Variants in MOV10L1 observed in about 807,000 individuals in gnomAD.
MOV10L1 encodes RNA helicase Mov10l1.
MOV10L1 carries 110 observed loss-of-function variants against 143.8 expected under a neutral mutation model. That is an observed-to-expected ratio of 0.76 (90% CI 0.66 to 0.90). The LOEUF (loss-of-function observed/expected upper bound fraction) is 0.90. Among genes scored for constraint, MOV10L1 ranks in the 40% least tolerant of loss-of-function variants. The pLI is 0.00. For missense variants in MOV10L1, 1,406 were observed against 1,526.8 expected (o/e 0.92, Z 1.32); for synonymous variants, 593 against 581.1 (o/e 1.02, Z -0.29).
At chr22:50,097,363 G>A (rs911324960) in intron 2 of MOV10L1, among the ~76,000 whole-genome samples, 17 of 152,050 alleles carry the variant, frequency 1.1e-4, no homozygotes, top group African/African-American at 3.6e-4. Context: ...CCCATCCCAC[G>A]CCTTTCCAAA....
In MOV10L1 at chr22:50,134,522, T is replaced by G; in HGVS notation, c.1970-8T>G. 1.2e-6 allele frequency: 2 copies of G among 1,613,628 alleles called. No individual in the cohort carries two copies. Among genetic ancestry groups the G allele is most frequent in the Middle Eastern group, 1.7e-4 (1 of 6,060 alleles). Reference sequence around the variant, plus strand: ...TACCCGTGCTCTTACCATTTTTTGTTTTAAAAGTGTTGTTTCCAGAAGAAA... The same window carrying G: ...TACCCGTGCTCTTACCATTTTTTGTGTTAAAAGTGTTGTTTCCAGAAGAAA... On this transcript the variant is annotated splice_polypyrimidine_tract_variant and splice_region_variant and intron_variant, in intron 14 of 26. Transcript: ENST00000262794.
intron 2 of MOV10L1, among the ~76,000 whole-genome samples, chr22:50,097,929 G>C (rs924665353): frequency 1.3e-5 from 2 of 152,086 alleles, no homozygotes; most frequent in African/African-American, 4.8e-5. Flanking sequence ...CGCCTCCCTG[G>C]TTCAAGCAAT....
At chr22:50,101,405 C>T (rs531753289) in intron 3 of MOV10L1, among the ~76,000 whole-genome samples, 13 of 151,206 alleles carry the variant, frequency 8.6e-5, no homozygotes, top group African/African-American at 9.7e-5. Context: ...TTAGTAGAGA[C>T]GGGGTTTCAA....
In MOV10L1 at chr22:50,108,710, C is replaced by G; in HGVS notation, c.609C>G (p.Phe203Leu). 6.2e-7 allele frequency: 1 copy of G among 1,614,212 alleles called. No individual in the cohort carries two copies. Among genetic ancestry groups the G allele is most frequent in the Non-Finnish European group, 8.5e-7 (1 of 1,180,036 alleles). Reference protein sequence around the residue: ...GRNGVLEESIFFTLDSLKLPD... With the variant: ...GRNGVLEESILFTLDSLKLPD... ...ACGGGGTGTTAGAGGAAAGCATCTT[C>G]TTTACCTTGGACTCCTTGAAACTGC... is the stretch of plus-strand genomic sequence containing the variant. Residue 203 changes from phenylalanine to leucine, a missense_variant, in exon 5 of 27, where the codon TTC becomes TTG. By Grantham distance (22) the Phe-to-Leu change is conservative. This residue lies in a region of MOV10L1 where 1,233 missense variants were observed against 1,351.4 expected (regional missense o/e 0.91). Transcript: ENST00000262794.
chr22:50,150,810 G>T lies in MOV10L1; in HGVS notation c.2803G>T (p.Val935Leu), dbSNP rs377555337. ...SRLAMAYGLN[V>L]SFLERLMSRP... Reference sequence around the variant, plus strand: ...ACTCGCCATGGCCTATGGGCTGAACGTGTCCTTTTTGGAACGGCTGATGTC... The same window carrying T: ...ACTCGCCATGGCCTATGGGCTGAACTTGTCCTTTTTGGAACGGCTGATGTC... Residue 935 changes from valine to leucine, a missense_variant, in exon 21 of 27, where the codon GTG becomes TTG. By Grantham distance (32) the Val-to-Leu change is conservative (BLOSUM62 1). This residue lies in a region of MOV10L1 where 1,233 missense variants were observed against 1,351.4 expected (regional missense o/e 0.91). Transcript: ENST00000262794. 1 of 1,614,220 alleles carries T rather than the reference G, an allele frequency of 6.2e-7. No homozygotes were observed. Among genetic ancestry groups the T allele is most frequent in the South Asian group, 1.1e-5 (1 of 91,092 alleles).
chr22:50,137,559 G>C (rs1672753827), intron 15 of MOV10L1, among the ~76,000 whole-genome samples: 1 of 151,900 alleles, frequency 6.6e-6, no homozygotes, highest in African/African-American at 2.4e-5. Flanking sequence ...AAAAAAATTA[G>C]CTGGGTGTGG....
intron 13 of MOV10L1, among the ~76,000 whole-genome samples, chr22:50,130,460 G>A (rs880693): frequency 2.5e-4 from 38 of 152,102 alleles, no homozygotes; most frequent in African/African-American, 8.9e-4. Flanking sequence ...ATGGACTACG[G>A]GGGAATGGAG....
intron 22 of MOV10L1, among the ~76,000 whole-genome samples, chr22:50,154,865 T>G (rs924320375): frequency 1.3e-5 from 2 of 152,252 alleles, no homozygotes; most frequent in African/African-American, 4.8e-5. Flanking sequence ...ATATTAACAT[T>G]GCCACTTTTT....
chr22:50,145,781 C>CCTG lies in MOV10L1; in HGVS notation c.2598_2599insCTG (p.Ser866_Ser867insLeu). 6.2e-7 allele frequency: 1 copy of CCTG among 1,614,104 alleles called. No homozygotes were observed. The highest frequency in any genetic ancestry group is 8.5e-7 in the Non-Finnish European group (1 of 1,180,030). On this transcript the variant is annotated inframe_insertion, in exon 19 of 27. Transcript: ENST00000262794. The stretch of plus-strand genomic sequence containing the variant: ...GGATAATCATCACCACATGCAGCAG[C>CCTG]TCAGGGCTGTTTTACCAAATAGGAG...
intron 8 of MOV10L1, among the ~76,000 whole-genome samples, chr22:50,115,963 C>T (rs1050643387): frequency 6.6e-6 from 1 of 152,222 alleles, no homozygotes; most frequent in East Asian, 1.9e-4. Flanking sequence ...GCCCTTCGCT[C>T]TCCCTGGTGT....
intron 24 of MOV10L1, among the ~76,000 whole-genome samples, chr22:50,160,413 A>ATT (rs773599179): frequency 2.1e-5 from 3 of 142,470 alleles, no homozygotes; most frequent in Non-Finnish European, 4.6e-5. Context: ...CGCCCAGCTA[A>ATT]TTTTTTTTTT....
At chr22:50,090,853 T>C in intron 1 of MOV10L1, 1 of 287,604 alleles carries the variant, frequency 3.5e-6, no homozygotes, top group Non-Finnish European at 6.8e-6. Context: ...ATTTTTGTAT[T>C]TTTAGTCGAG....
In MOV10L1 at chr22:50,092,174, A is replaced by G; in HGVS notation, c.271A>G (p.Lys91Glu). The G allele has an allele frequency of 1.2e-6, 2 of 1,613,868 alleles. No homozygotes were observed. Among genetic ancestry groups the G allele is most frequent in the Non-Finnish European group, 1.7e-6 (2 of 1,179,898 alleles). ...VEENKVSNGLKAIRVEAVSDK... is the reference protein window; with the variant it reads ...VEENKVSNGLEAIRVEAVSDK... ...AGAAAATAAAGTGTCCAATGGACTG[A>G]AAGCAATCAGGGTAAGGTTTGAGTT... is the stretch of plus-strand genomic sequence containing the variant. The change falls in exon 2 of 27, where the codon AAA becomes GAA. Residue 91 changes from lysine to glutamate, a missense_variant. Around this residue, in one of 3 missense-constraint regions of MOV10L1, gnomAD observed 166 missense variants for 153.9 expected, o/e 1.08. Coordinates refer to ENST00000262794, the MANE Select transcript of MOV10L1 (RefSeq NM_018995.3).
rs2062964393 is a variant in MOV10L1 at position 50,140,856 on chromosome 22, C to T, written c.2071-1225C>T. On this transcript the variant is annotated intron_variant, in intron 15 of 26. Transcript: ENST00000262794. ...TTCCACCTCAGCCTCCTGAAGTGCT[C>T]AGATTATAGGTGTGAACCACTACCC... Among the ~76,000 whole-genome samples the T allele has an allele frequency of 2.0e-5, 3 of 151,676 alleles. No individual in the cohort carries two copies. The South Asian group carries it at 6.2e-4, about 32-fold the overall frequency.
intron 1 of MOV10L1, chr22:50,090,811 G>A (rs1211289108): frequency 1.2e-5 from 4 of 342,490 alleles, no homozygotes; most frequent in Non-Finnish European, 2.2e-5. Context: ...CGAGCAGCGG[G>A]GATTATAGGC....
chr22:50,110,422 C>T (rs2061992490), intron 5 of MOV10L1, among the ~76,000 whole-genome samples: 1 of 151,116 alleles, frequency 6.6e-6, no homozygotes, highest in Non-Finnish European at 1.5e-5. Context: ...GCACTCCAGC[C>T]TGCACAACAG....
In MOV10L1 at chr22:50,155,936, A is replaced by G. The variant is rs535076823; in HGVS notation, c.3067-2121A>G. Among the ~76,000 whole-genome samples the G allele has an allele frequency of 7.2e-3, 1,094 of 152,270 alleles. 9 individuals carry two copies. The highest frequency in any genetic ancestry group is 0.025 in the African/African-American group (1,033 of 41,550). ...CATGGTGGTGCACACTTGTGGTCCC[A>G]GCTACTCAGGAGGCTGAGGTGGGAG... On this transcript the variant is annotated intron_variant, in intron 22 of 26. Transcript: ENST00000262794.
chr22:50,098,072 A>G (rs1307688369), intron 2 of MOV10L1, among the ~76,000 whole-genome samples: 1 of 152,034 alleles, frequency 6.6e-6, no homozygotes, highest in Non-Finnish European at 1.5e-5. Context: ...CCTGACCTCA[A>G]GTGATCCACC....
intron 16 of MOV10L1, 47 bp from the exon 17 acceptor site, chr22:50,142,996 T>G (rs777444091): frequency 6.4e-7 from 1 of 1,572,226 alleles, no homozygotes; most frequent in Non-Finnish European, 8.7e-7. Flanking sequence ...CCACAGCTGT[T>G]GAGAGCTGTT....
Sources: gnomAD v4.1 joint callset for allele counts (sites outside exome capture counted in the v4.1 genomes callset) on GRCh38, gnomAD v4.1.1 for gene constraint, gnomAD v4.1.1 regional missense constraint, MANE v1.5 for transcripts, NCBI Gene and HGNC (gene_info 2026-07-23, HGNC 2026-07-21) for gene names.